SUSD1: variants seen among roughly 807,000 people sequenced by gnomAD.
SUSD1 encodes sushi domain containing 1, also known as sushi domain-containing protein 1.
A neutral mutation model predicts 86.9 loss-of-function variants in SUSD1; 65 were observed. That is an observed-to-expected ratio of 0.75 (90% CI 0.61 to 0.92). SUSD1 has a LOEUF of 0.92. Ranked by LOEUF, SUSD1 falls within the 40% of genes least tolerant of loss-of-function variation. The pLI, the probability that SUSD1 is intolerant of heterozygous loss-of-function variation, is 0.00. For synonymous variants in SUSD1, 346 were observed against 350.0 expected (o/e 0.99, Z 0.13); for missense variants, 850 against 929.7 (o/e 0.91, Z 1.11).
At chr9:112,160,830 G>T (rs534723125) in intron 1 of SUSD1, among the ~76,000 whole-genome samples, 63 of 152,322 alleles carry the variant, frequency 4.1e-4, no homozygotes, top group African/African-American at 1.5e-3. Flanking sequence ...TCAAGGAACT[G>T]GTTGAAAATA....
intron 8 of SUSD1, 57 bp from the exon 9 acceptor site, chr9:112,102,342 A>G (rs1830667401): frequency 1.2e-6 from 1 of 856,556 alleles, no homozygotes; most frequent in Non-Finnish European, 1.8e-6. Flanking sequence ...AAAATGCATC[A>G]TGGCTGAGTA....
At chr9:112,076,496 T>C (rs1455081700) in intron 12 of SUSD1, among the ~76,000 whole-genome samples, 1 of 152,184 alleles carries the variant, frequency 6.6e-6, no homozygotes, top group African/African-American at 2.4e-5. Flanking sequence ...CAGAGAAGCC[T>C]GGGTGGAAAC....
At chr9:112,117,219 G>A (rs1459708802) in intron 6 of SUSD1, among the ~76,000 whole-genome samples, 1 of 152,180 alleles carries the variant, frequency 6.6e-6, no homozygotes, top group Non-Finnish European at 1.5e-5. Flanking sequence ...TCATCCCCTA[G>A]CCAAGAAGGG....
chr9:112,169,113 C>CAA (rs113283670), intron 1 of SUSD1, among the ~76,000 whole-genome samples: 159 of 148,008 alleles, frequency 1.1e-3, no homozygotes, highest in African/African-American at 3.9e-3. Context: ...ACATCCCTGA[C>CAA]AAAAAAAAAA....
intron 5 of SUSD1, among the ~76,000 whole-genome samples, chr9:112,131,434 C>CTTCTTGGGCCTGATT (rs1043620874): frequency 2.0e-5 from 3 of 152,190 alleles, no homozygotes; most frequent in Non-Finnish European, 2.9e-5. Flanking sequence ...TCCCTGAAAC[C>CTTCTTGGGCCTGATT]TTCTTGGGCC....
At position 112,142,478 on chromosome 9, in the gene SUSD1, G is replaced by A; in HGVS notation, c.548C>T (p.Pro183Leu). The change falls in exon 5 of 17, where the codon CCT becomes CTT. Residue 183 changes from proline (P) to leucine (L), a missense_variant. By Grantham distance (98) the Pro-to-Leu change is moderately conservative (BLOSUM62 -3). Transcript: ENST00000374270. ...TATGATATAGCCATCTGGAACCTCA[G>A]GAGGGGTACCACAGTCTATTTCTGA... ...SCTEIDCGTPPEVPDGYIIGN... is the reference protein window; with the variant it reads ...SCTEIDCGTPLEVPDGYIIGN... 3.7e-6 allele frequency: 6 copies of A among 1,612,802 alleles called. No individual in the cohort carries two copies. Among genetic ancestry groups the A allele is most frequent in the African/African-American group, 1.3e-5 (1 of 74,926 alleles).
intron 10 of SUSD1, among the ~76,000 whole-genome samples, chr9:112,085,103 C>T (rs1446577395): frequency 1.3e-5 from 2 of 152,154 alleles, no homozygotes; most frequent in East Asian, 1.9e-4. Context: ...GTGTCTAGGG[C>T]AGTGATTTAA....
intron 2 of SUSD1, among the ~76,000 whole-genome samples, chr9:112,151,329 G>T (rs1318153376): frequency 6.6e-6 from 1 of 152,146 alleles, no homozygotes; most frequent in Non-Finnish European, 1.5e-5. Context: ...AGGCACGTTG[G>T]TTCACACCTG....
chr9:112,101,558 ATGCCCAG>A (rs987936823), intron 9 of SUSD1, among the ~76,000 whole-genome samples: 3 of 152,122 alleles, frequency 2.0e-5, no homozygotes, highest in Admixed American at 1.3e-4. Flanking sequence ...TTAAAATTCC[ATGCCCAG>A]CTGGGCGTGG....
chr9:112,062,913 C>A (rs370756222), intron 13 of SUSD1, 24 bp downstream of exon 13: 1 of 1,512,342 alleles, frequency 6.6e-7, no homozygotes, highest in Non-Finnish European at 9.1e-7. Context: ...ACTGGGCAAC[C>A]GTGGAGAAAG....
At chr9:112,060,353 C>T (rs149761836) in intron 13 of SUSD1, among the ~76,000 whole-genome samples, 67 of 152,272 alleles carry the variant, frequency 4.4e-4, no homozygotes, top group African/African-American at 1.5e-3. Context: ...CCTTTACCTC[C>T]CAGGTTCAAG....
At chr9:112,146,967 T>A (rs1320550896) in intron 3 of SUSD1, among the ~76,000 whole-genome samples, 1 of 152,108 alleles carries the variant, frequency 6.6e-6, no homozygotes. Flanking sequence ...TGAATTCATC[T>A]CTTGGAACTA....
At position 112,142,463 on chromosome 9, in the gene SUSD1, C is replaced by G; in HGVS notation, c.563G>C (p.Gly188Ala). Residue 188 changes from glycine to alanine, a missense_variant, in exon 5 of 17, where the codon GGC (glycine) becomes GCC (alanine). Gly to Ala is a moderately conservative substitution (Grantham distance 60). Transcript: ENST00000374270. ...AGACGTATAATTTCCTATGATATAG[C>G]CATCTGGAACCTCAGGAGGGGTACC... ...DCGTPPEVPD[G>A]YIIGNYTSSL... 6.2e-7 allele frequency: 1 copy of G among 1,613,562 alleles called. No individual in the cohort carries two copies. The highest frequency in any genetic ancestry group is 8.5e-7 in the Non-Finnish European group (1 of 1,179,916).
chr9:112,109,312 T>C (rs1270504429), intron 8 of SUSD1, among the ~76,000 whole-genome samples: 1 of 152,160 alleles, frequency 6.6e-6, no homozygotes, highest in Non-Finnish European at 1.5e-5. Flanking sequence ...AATGGAAAAC[T>C]TCCCAATTCA....
chr9:112,053,388 G>A (rs1041933839), intron 14 of SUSD1, among the ~76,000 whole-genome samples: 11 of 151,712 alleles, frequency 7.3e-5, no homozygotes, highest in South Asian at 6.3e-4. Context: ...GGTGGTGGGC[G>A]CCTGTACTCC....
intron 5 of SUSD1, among the ~76,000 whole-genome samples, chr9:112,124,746 C>T (rs1165487023): frequency 6.6e-6 from 1 of 152,128 alleles, no homozygotes; most frequent in East Asian, 1.9e-4. Flanking sequence ...ATCTTCAGAT[C>T]ATCAATCCCA....
intron 1 of SUSD1, among the ~76,000 whole-genome samples, chr9:112,170,623 T>C (rs1833997472): frequency 6.6e-6 from 1 of 151,746 alleles, no homozygotes; most frequent in South Asian, 2.1e-4. Context: ...ACATCTTTGA[T>C]GCCAATTAAT....
intron 8 of SUSD1, among the ~76,000 whole-genome samples, chr9:112,110,589 C>T (rs1283528532): frequency 1.3e-5 from 2 of 151,118 alleles, no homozygotes; most frequent in Admixed American, 6.6e-5. Flanking sequence ...GAGATGGGGC[C>T]TCACTGTGTT....
chr9:112,137,245 G>A (rs1832304992), intron 5 of SUSD1, among the ~76,000 whole-genome samples: 1 of 152,256 alleles, frequency 6.6e-6, no homozygotes, highest in South Asian at 2.1e-4. Context: ...GAGAAACCGA[G>A]GCCATGTAGT....
Sources: gnomAD v4.1 joint callset for allele counts (sites outside exome capture counted in the v4.1 genomes callset) on GRCh38, gnomAD v4.1.1 for gene constraint, MANE v1.5 for transcripts, NCBI Gene and HGNC (gene_info 2026-07-23, HGNC 2026-07-21) for gene names.